Variants in SLC5A4 observed in about 807,000 individuals in gnomAD.
SLC5A4 encodes the protein probable glucose sensor protein SLC5A4.
Under a neutral mutation model 70.3 loss-of-function variants are expected in SLC5A4, and 55 were observed. The observed-to-expected ratio is 0.78, with a 90% CI of 0.63 to 0.98. The LOEUF is 0.98. Among genes scored for constraint, SLC5A4 ranks in the 50% least tolerant of loss-of-function variants. The probability of loss-of-function intolerance (pLI) is 0.00; values close to 1 mark genes in which losing one functional copy is unlikely to be tolerated. For synonymous variants in SLC5A4, 268 were observed against 305.7 expected (o/e 0.88, Z 1.29); for missense variants, 735 against 839.2 (o/e 0.88, Z 1.53).
At chr22:32,276,811 C>T in the SLC5A4 span, 1 of 152,076 alleles carries the variant, frequency 6.6e-6, no homozygotes, top group African/African-American at 2.4e-5. Flanking sequence ...CAAGATATTC[C>T]TTTTAATTTT....
At chr22:32,274,885 A>G in the SLC5A4 span, among the ~76,000 whole-genome samples, 4 of 152,068 alleles carry the variant, frequency 2.6e-5, no homozygotes, top group Non-Finnish European at 4.4e-5. Context: ...AAAAAGATTT[A>G]GAATGCTTGT....
At chr22:32,298,359 T>C in the SLC5A4 span, among the ~76,000 whole-genome samples, 1 of 145,784 alleles carries the variant, frequency 6.9e-6, no homozygotes, top group African/African-American at 2.6e-5. Flanking sequence ...GCATATATAT[T>C]TAGGATAGTT....
At chr22:32,245,590 G>A (rs1830237047) in intron 5 of SLC5A4, among the ~76,000 whole-genome samples, 1 of 152,164 alleles carries the variant, frequency 6.6e-6, no homozygotes. Flanking sequence ...GCGCGATCTC[G>A]GTTCACTGCA....
chr22:32,331,220 G>A, the SLC5A4 span, among the ~76,000 whole-genome samples: 1 of 141,884 alleles, frequency 7.0e-6, no homozygotes, highest in Admixed American at 6.9e-5. Context: ...GGGGCTGTGT[G>A]TTGGGGGCTG....
At chr22:32,239,156 A>G (rs535294360) in intron 5 of SLC5A4, 66 bp from the exon 6 acceptor site, 62 of 1,124,098 alleles carry the variant, frequency 5.5e-5, no homozygotes, top group Non-Finnish European at 7.1e-5. Context: ...CTCTGCCCCA[A>G]TGTCCACTCT....
chr22:32,313,595 C>T, the SLC5A4 span, among the ~76,000 whole-genome samples: 1 of 152,196 alleles, frequency 6.6e-6, no homozygotes, highest in Non-Finnish European at 1.5e-5. Flanking sequence ...GCACTTATAG[C>T]TTTGAATGGC....
chr22:32,232,811 G>T, intron 9 of SLC5A4, 88 bp downstream of exon 9: 1 of 1,474,974 alleles, frequency 6.8e-7, no homozygotes, highest in South Asian at 1.4e-5. Context: ...CTTCCAGAAT[G>T]GATTTTCTCA....
the SLC5A4 span, among the ~76,000 whole-genome samples, chr22:32,341,914 TAGAG>T: frequency 1.3e-5 from 2 of 152,220 alleles, no homozygotes; most frequent in Non-Finnish European, 2.9e-5. Context: ...TGCCTCTCGT[TAGAG>T]AGATCTCCCT....
At chr22:32,235,819 G>A (rs1238105064) in intron 7 of SLC5A4, among the ~76,000 whole-genome samples, 2 of 152,198 alleles carry the variant, frequency 1.3e-5, no homozygotes, top group Non-Finnish European at 2.9e-5. Context: ...GTAGGGCTGA[G>A]TTAACATTAA....
At chr22:32,272,953 C>T in the SLC5A4 span, 1 of 538,110 alleles carries the variant, frequency 1.9e-6, no homozygotes, top group Non-Finnish European at 3.7e-6. Context: ...CCTCCGCACC[C>T]TCCAGAATGC....
the SLC5A4 span, among the ~76,000 whole-genome samples, chr22:32,343,521 G>C: frequency 3.9e-5 from 6 of 152,202 alleles, no homozygotes; most frequent in African/African-American, 9.6e-5. Flanking sequence ...TCACAGAGTT[G>C]TCGGCTGCCA....
At chr22:32,339,235 A>AT in the SLC5A4 span, among the ~76,000 whole-genome samples, 1 of 152,184 alleles carries the variant, frequency 6.6e-6, no homozygotes, top group East Asian at 1.9e-4. Context: ...TTCTTTTCCT[A>AT]TTTTTTACTC....
At chr22:32,346,374 C>T in the SLC5A4 span, among the ~76,000 whole-genome samples, 1 of 151,946 alleles carries the variant, frequency 6.6e-6, no homozygotes, top group Non-Finnish European at 1.5e-5. Flanking sequence ...CATATGTAAC[C>T]AAAAAAGAGC....
the SLC5A4 span, among the ~76,000 whole-genome samples, chr22:32,321,673 G>A: frequency 6.6e-6 from 1 of 152,162 alleles, no homozygotes; most frequent in Non-Finnish European, 1.5e-5. Flanking sequence ...ATGTATCCAT[G>A]TGTTCTCATC....
chr22:32,353,840 C>CT, the SLC5A4 span, among the ~76,000 whole-genome samples: 1 of 151,732 alleles, frequency 6.6e-6, no homozygotes, highest in African/African-American at 2.4e-5. Context: ...CAGACCCCTG[C>CT]TGGGGGCAGT....
chr22:32,312,768 C>A, the SLC5A4 span, among the ~76,000 whole-genome samples: 8 of 152,038 alleles, frequency 5.3e-5, no homozygotes, highest in African/African-American at 1.9e-4. Flanking sequence ...GGAGGCTGCA[C>A]TGGGTATTTC....
At chr22:32,234,015 C>T (rs906158485) in intron 8 of SLC5A4, among the ~76,000 whole-genome samples, 1 of 152,058 alleles carries the variant, frequency 6.6e-6, no homozygotes, top group East Asian at 1.9e-4. Context: ...AACAGGTGTG[C>T]TTGCATGGGG....
the SLC5A4 span, among the ~76,000 whole-genome samples, chr22:32,301,813 TATTA>T: frequency 6.8e-6 from 1 of 147,194 alleles, no homozygotes; most frequent in Non-Finnish European, 1.5e-5. Context: ...AGAATAGGTA[TATTA>T]ATCAAAGGAA....
the SLC5A4 span, among the ~76,000 whole-genome samples, chr22:32,321,787 A>C: frequency 6.6e-6 from 1 of 152,212 alleles, no homozygotes; most frequent in Admixed American, 6.5e-5. Context: ...GTCCCTGCAA[A>C]GGACATGATC....
Sources: allele counts gnomAD v4.1 joint callset (sites outside exome capture counted in the v4.1 genomes callset), GRCh38; gene constraint gnomAD v4.1.1; transcripts MANE v1.5; gene names NCBI Gene and HGNC (gene_info 2026-07-23, HGNC 2026-07-21).